Variants in CFAP61 observed in about 807,000 individuals in gnomAD.
CFAP61 encodes cilia and flagella associated protein 61, also known as cilia- and flagella-associated protein 61.
CFAP61 carries 107 observed loss-of-function variants against 135.6 expected under a neutral mutation model. The observed-to-expected ratio is 0.79, with a 90% CI of 0.67 to 0.93. The LOEUF (loss-of-function observed/expected upper bound fraction) is 0.93, where lower values mean the gene tolerates loss of function less well. Ranked by LOEUF, CFAP61 falls within the 40% of genes least tolerant of loss-of-function variation. The probability of loss-of-function intolerance (pLI) is 0.00; values close to 1 mark genes in which losing one functional copy is unlikely to be tolerated. For missense variants in CFAP61, 1,507 were observed against 1,556.2 expected (o/e 0.97, Z 0.53); for synonymous variants, 575 against 578.5 (o/e 0.99, Z 0.09).
Position 20,218,423 on chromosome 20 carries a change from C to A in CFAP61, c.1933-9826C>A, listed in dbSNP as rs568698954. Reference sequence around the variant, plus strand: ...ACGTGGAACTGTAAGTCCAATTAAACCTCTTTCTTTTATAAGTTACCCAGT... The same window carrying A: ...ACGTGGAACTGTAAGTCCAATTAAAACTCTTTCTTTTATAAGTTACCCAGT... On this transcript the variant is annotated intron_variant, in intron 17 of 26. Coordinates refer to ENST00000245957, the MANE Select transcript of CFAP61 (RefSeq NM_015585.4). Among the ~76,000 whole-genome samples, 5 of 152,290 alleles carry A rather than the reference C, an allele frequency of 3.3e-5. 1 individual carries two copies. The South Asian group carries it at 1.0e-3, about 32-fold the overall frequency.
At chr20:20,062,817 A>G (rs2044907369) in intron 2 of CFAP61, among the ~76,000 whole-genome samples, 1 of 152,216 alleles carries the variant, frequency 6.6e-6, no homozygotes, top group African/African-American at 2.4e-5. Flanking sequence ...TCCACCCACA[A>G]GGGCTGGAGA....
At chr20:20,352,154 G>A (rs184475365) in intron 26 of CFAP61, among the ~76,000 whole-genome samples, 9 of 152,298 alleles carry the variant, frequency 5.9e-5, no homozygotes, top group Admixed American at 1.3e-4. Context: ...CATGGTGGAA[G>A]GGGAAGCAAG....
intron 13 of CFAP61, among the ~76,000 whole-genome samples, chr20:20,172,938 T>G (rs1264802597): frequency 1.3e-5 from 2 of 152,232 alleles, no homozygotes; most frequent in Admixed American, 1.3e-4. Flanking sequence ...GTGCTCTGTC[T>G]GTTCGTCCCT....
chr20:20,125,238 T>G (rs1156724119), intron 8 of CFAP61, among the ~76,000 whole-genome samples: 2 of 151,804 alleles, frequency 1.3e-5, no homozygotes, highest in East Asian at 3.8e-4. Flanking sequence ...CTGTTCTTGG[T>G]TATTTCCTTT....
intron 18 of CFAP61, among the ~76,000 whole-genome samples, chr20:20,228,804 G>T (rs149978961): frequency 1.3e-4 from 20 of 152,180 alleles, no homozygotes; most frequent in African/African-American, 4.6e-4. Context: ...TTACTGGCCC[G>T]ATCACAAAAA....
At position 20,326,364 on chromosome 20, in the gene CFAP61, G is replaced by A. The variant is rs150796341; in HGVS notation, c.3423-15467G>A. On this transcript the variant is annotated intron_variant, in intron 25 of 26. Coordinates refer to ENST00000245957, the MANE Select transcript of CFAP61 (RefSeq NM_015585.4). The stretch of plus-strand genomic sequence containing the variant: ...TAATCAAACCGTCTCTAACAAAGAA[G>A]AATAACAAAATTCTTCTTTTTGAAT... 1.3e-3 allele frequency among the ~76,000 whole-genome samples: 195 copies of A among 152,168 alleles called. 2 individuals are homozygous for A. The highest frequency in any genetic ancestry group is 4.4e-3 in the African/African-American group (183 of 41,524).
intron 20 of CFAP61, chr20:20,253,153 T>TCTTTC (rs2051111175): frequency 6.6e-6 from 1 of 152,388 alleles, no homozygotes; most frequent in Non-Finnish European, 1.5e-5. Context: ...CATTTTCTTT[T>TCTTTC]CTTTTCTTTT....
intron 12 of CFAP61, among the ~76,000 whole-genome samples, chr20:20,168,824 C>T (rs908358312): frequency 6.6e-6 from 1 of 152,146 alleles, no homozygotes; most frequent in Non-Finnish European, 1.5e-5. Flanking sequence ...CAACTGGGAT[C>T]ACGTCATGAT....
At chr20:20,191,242 T>C in intron 14 of CFAP61, 100 bp from the exon 15 acceptor site, 1 of 888,746 alleles carries the variant, frequency 1.1e-6, no homozygotes. Context: ...ATGTTTGTTC[T>C]GTTGTTATGT....
chr20:20,279,559 A>G (rs2147046901), intron 22 of CFAP61, among the ~76,000 whole-genome samples: 1 of 152,162 alleles, frequency 6.6e-6, no homozygotes, highest in East Asian at 1.9e-4. Context: ...AGGCTGAGGA[A>G]GAGAAGGAAG....
At chr20:20,064,825 A>G (rs1266562735) in intron 2 of CFAP61, among the ~76,000 whole-genome samples, 2 of 152,222 alleles carry the variant, frequency 1.3e-5, no homozygotes, top group Admixed American at 1.3e-4. Context: ...AAATCCTAAC[A>G]AGATTATTTG....
chr20:20,335,247 C>T (rs2058141482), intron 25 of CFAP61, among the ~76,000 whole-genome samples: 1 of 152,136 alleles, frequency 6.6e-6, no homozygotes, highest in African/African-American at 2.4e-5. Flanking sequence ...CATGTTCTAG[C>T]TCTGGAAACC....
intron 8 of CFAP61, among the ~76,000 whole-genome samples, chr20:20,127,330 CCTT>C (rs58285757): frequency 0.098 from 14,776 of 151,458 alleles, 1,604 homozygotes; most frequent in East Asian, 0.59. Context: ...TTTTCTGGTT[CCTT>C]CTTATTTGGG....
At chr20:20,288,539 C>T in intron 22 of CFAP61, 70 bp from the exon 23 acceptor site, 1 of 1,189,830 alleles carries the variant, frequency 8.4e-7, no homozygotes. Context: ...GCCCTGGAGA[C>T]TAGTCACACT....
chr20:20,275,887 G>A (rs1410260), intron 21 of CFAP61, among the ~76,000 whole-genome samples: 15,028 of 152,190 alleles, frequency 0.099, 812 homozygotes, highest in Non-Finnish European at 0.12. Flanking sequence ...TTCAGCCAAG[G>A]AAAATGCAGC....
At chr20:20,303,712 T>A (rs2056249890) in intron 25 of CFAP61, among the ~76,000 whole-genome samples, 1 of 152,122 alleles carries the variant, frequency 6.6e-6, no homozygotes, top group African/African-American at 2.4e-5. Context: ...CTTGGCAGCA[T>A]CAGCAACGTC....
chr20:20,067,641 C>CAA (rs1185973754), intron 2 of CFAP61, among the ~76,000 whole-genome samples: 5 of 104,896 alleles, frequency 4.8e-5, no homozygotes, highest in South Asian at 3.0e-4. Context: ...GACTCCATCT[C>CAA]AAAATATATA....
chr20:20,121,029 AG>A (rs2049575118), intron 8 of CFAP61, among the ~76,000 whole-genome samples: 1 of 151,070 alleles, frequency 6.6e-6, no homozygotes, highest in Non-Finnish European at 1.5e-5. Context: ...TAGGTGAAAT[AG>A]GTTTCTTGTA....
intron 19 of CFAP61, 58 bp from the exon 20 acceptor site, chr20:20,251,537 T>C: frequency 6.4e-7 from 1 of 1,564,200 alleles, no homozygotes. Context: ...ACCAGATGTC[T>C]AATTAATGCC....
Sources: allele counts gnomAD v4.1 joint callset (sites outside exome capture counted in the v4.1 genomes callset), GRCh38; gene constraint gnomAD v4.1.1; transcripts MANE v1.5; gene names NCBI Gene and HGNC (gene_info 2026-07-23, HGNC 2026-07-21).